The following BANP variants were observed in gnomAD, a reference collection of about 807,000 sequenced individuals.
The protein encoded by BANP is BTG3 associated nuclear protein, also known as protein BANP.
A neutral mutation model predicts 68.1 loss-of-function variants in BANP; 11 were observed. The ratio of observed to expected loss-of-function variants is 0.16; its 90% CI spans 0.10 to 0.27. The LOEUF (loss-of-function observed/expected upper bound fraction) is 0.27. Among genes scored for constraint, BANP ranks in the 10% least tolerant of loss-of-function variants. The probability of loss-of-function intolerance (pLI) is 1.00; values close to 1 mark genes in which losing one functional copy is unlikely to be tolerated. For synonymous variants in BANP, 329 were observed against 303.2 expected (o/e 1.09, Z -0.88); for missense variants, 504 against 722.7 (o/e 0.70, Z 3.47).
In BANP at chr16:88,038,048, C is replaced by T. The variant is rs377374842; in HGVS notation, c.1311+37C>T. The T allele has an allele frequency of 2.9e-5, 45 of 1,578,028 alleles. No homozygotes were observed. The African/African-American group carries it at 4.0e-4, about 14-fold the overall frequency. Reference sequence around the variant, plus strand: ...AGTCCCCATGCACATGCGGGCGTTGCGCTGCCGAGGGATGGGGTTCTCAGG... The same window carrying T: ...AGTCCCCATGCACATGCGGGCGTTGTGCTGCCGAGGGATGGGGTTCTCAGG... On this transcript the variant is annotated intron_variant, in intron 11 of 13. Transcript: ENST00000682872.
chr16:87,997,543 A>G (rs1004800785), intron 4 of BANP, among the ~76,000 whole-genome samples: 1 of 151,914 alleles, frequency 6.6e-6, no homozygotes, highest in Non-Finnish European at 1.5e-5. Context: ...AAGTGGGTGA[A>G]ATAGCCAGGA....
intron 3 of BANP, among the ~76,000 whole-genome samples, 165 bp downstream of exon 3, chr16:87,981,292 C>G (rs188535185): frequency 4.3e-4 from 66 of 152,334 alleles, no homozygotes; most frequent in African/African-American, 1.5e-3. Flanking sequence ...TCCAAAGGTT[C>G]TAGAAGGTGG....
intron 11 of BANP, among the ~76,000 whole-genome samples, chr16:88,059,350 A>G: frequency 6.6e-6 from 1 of 151,502 alleles, no homozygotes; most frequent in East Asian, 2.0e-4. Flanking sequence ...CACTGTTCCA[A>G]TCTCTGCCTC....
intron 4 of BANP, among the ~76,000 whole-genome samples, chr16:87,989,094 C>T (rs2065212167): frequency 6.6e-6 from 1 of 152,180 alleles, no homozygotes; most frequent in Non-Finnish European, 1.5e-5. Context: ...CTTTAAATAA[C>T]TTCGAGAACA....
At chr16:87,953,624 GT>G (rs1257381848) in intron 1 of BANP, among the ~76,000 whole-genome samples, 10 of 152,144 alleles carry the variant, frequency 6.6e-5, no homozygotes, top group African/African-American at 2.4e-4. Context: ...TGCAAATACT[GT>G]TCTCTTCACG....
At chr16:88,030,940 A>C (rs1295302458) in intron 8 of BANP, among the ~76,000 whole-genome samples, 1 of 152,236 alleles carries the variant, frequency 6.6e-6, no homozygotes, top group African/African-American at 2.4e-5. Context: ...TAATGCTTAG[A>C]TGCCTGGAGA....
At chr16:87,951,385 CGGAGGGCGGGGGCCGAGCGTCGCGG>C (rs981575873), upstream of BANP, 2 of 151,222 alleles carry the variant, frequency 1.3e-5, no homozygotes, top group African/African-American at 4.9e-5. Context: ...TGAGCCTGCG[CGGAGGGCGGGGGCCGAGCGTCGCGG>C]GGAGGGGCTC....
intron 6 of BANP, among the ~76,000 whole-genome samples, chr16:88,008,369 T>C (rs114477761): frequency 0.028 from 4,195 of 152,332 alleles, 197 homozygotes; most frequent in African/African-American, 0.096. Context: ...AAAGGAGGGA[T>C]GCTCCTGATT....
chr16:88,071,752 G>A lies in BANP; in HGVS notation c.1378-317G>A. Reference sequence around the variant, plus strand: ...TTTTCCAGGAGGCTCTGTGGCATTTGCTGTTGCTCTCTTTTTCTGTGGAAG... The same window carrying A: ...TTTTCCAGGAGGCTCTGTGGCATTTACTGTTGCTCTCTTTTTCTGTGGAAG... On this transcript the variant is annotated intron_variant, in intron 12 of 13. Transcript: ENST00000682872. This position sits in a 1 kb window ranked among gnomAD's most constrained non-coding sequence, Gnocchi z 6.5. 1 of 589,606 alleles carries A rather than the reference G, an allele frequency of 1.7e-6. No homozygotes were observed. Among genetic ancestry groups the A allele is most frequent in the South Asian group, 1.5e-5 (1 of 65,706 alleles). The allele number at this position is 589,606 out of a possible 1,614,324, so 36.5% of individuals were successfully genotyped here. A position where few individuals can be genotyped will look rare whatever the true frequency, so the allele number is the denominator to read the frequency against.
Position 88,076,678 on chromosome 16 carries a change from C to G in BANP, c.*17C>G. The G allele has an allele frequency of 2.5e-6, 4 of 1,601,684 alleles. No individual in the cohort carries two copies. Among genetic ancestry groups the G allele is most frequent in the Non-Finnish European group, 3.4e-6 (4 of 1,177,636 alleles). On this transcript the variant is annotated 3_prime_UTR_variant, in exon 14 of 14. Coordinates refer to ENST00000682872, the MANE Select transcript of BANP (RefSeq NM_001386991.1). ...ATTCAGTGAGCGGTGCCCATGGCAC[C>G]AGGAGCCCCTCGCCGGCTCCGCCTA...
chr16:87,982,337 TA>T (rs1382389815), intron 3 of BANP, among the ~76,000 whole-genome samples: 16 of 152,190 alleles, frequency 1.1e-4, no homozygotes, highest in African/African-American at 3.9e-4. Flanking sequence ...TTTATTGGTA[TA>T]TAAGAGTGAT....
At chr16:87,968,034 G>A (rs1020203263) in intron 1 of BANP, among the ~76,000 whole-genome samples, 23 of 150,976 alleles carry the variant, frequency 1.5e-4, no homozygotes, top group South Asian at 6.2e-4. Flanking sequence ...GATTACAGGC[G>A]TGAGCCACCA....
At chr16:88,017,276 C>G (rs529763153) in intron 6 of BANP, 1 of 152,242 alleles carries the variant, frequency 6.6e-6, no homozygotes, top group Non-Finnish European at 1.5e-5. Flanking sequence ...CCCGGCCCCT[C>G]GTGGGAGGTA....
rs1366324827 is a variant in BANP at position 88,076,974 on chromosome 16, T to A, written c.*313T>A. 9 of 320,028 alleles carry A rather than the reference T, an allele frequency of 2.8e-5. No homozygotes were observed. Among genetic ancestry groups the A allele is most frequent in the Admixed American group, 9.3e-5 (2 of 21,406 alleles). 19.8% of individuals were successfully genotyped at this position (320,028 alleles called of 1,614,324 possible). On this transcript the variant is annotated 3_prime_UTR_variant, in exon 14 of 14. Transcript: ENST00000682872. ...ATTTTTCTGTTTAAACAGCTTTTTT[T>A]AATTTGCTATGGTGTTTATAACAAA...
intron 11 of BANP, among the ~76,000 whole-genome samples, chr16:88,062,614 G>T (rs79949454): frequency 0.23 from 35,679 of 152,144 alleles, 4,587 homozygotes; most frequent in East Asian, 0.46. Context: ...CTGCCCTTTG[G>T]GAAGTCCGCT....
intron 8 of BANP, among the ~76,000 whole-genome samples, chr16:88,031,828 C>G (rs1383526035): frequency 6.7e-6 from 1 of 150,290 alleles, no homozygotes; most frequent in African/African-American, 2.5e-5. Flanking sequence ...CCGTCCCTTC[C>G]CCCGCTCGCT....
chr16:87,981,125 A>G lies in BANP; in HGVS notation c.160A>G (p.Lys54Glu). 6.2e-7 allele frequency: 1 copy of G among 1,613,348 alleles called. No homozygotes were observed. The change falls in exon 3 of 14, where the codon AAG becomes GAG. Residue 54 changes from lysine to glutamate, a missense_variant and splice_region_variant. By Grantham distance (56) the Lys-to-Glu change is moderately conservative. Transcript: ENST00000682872. ...AATCAATTGCCAGGATCCATCTATA[A>G]AGGTAAAAATCTGACTCTGTTCTGT... Reference protein sequence around the residue: ...LEINCQDPSIKSFLYSINQTI... With the variant: ...LEINCQDPSIESFLYSINQTI...
At chr16:88,061,298 A>C (rs116623714) in intron 11 of BANP, among the ~76,000 whole-genome samples, 1,832 of 152,320 alleles carry the variant, frequency 0.012, 39 homozygotes, top group African/African-American at 0.042. Flanking sequence ...TTAGCTTTGA[A>C]ACTTAGCCTT....
At chr16:88,055,430 C>G (rs1318842114) in intron 11 of BANP, among the ~76,000 whole-genome samples, 1 of 152,204 alleles carries the variant, frequency 6.6e-6, no homozygotes, top group African/African-American at 2.4e-5. Context: ...CAGCTGACGG[C>G]AGGCTTGGTG....
Sources: allele counts gnomAD v4.1 joint callset (sites outside exome capture counted in the v4.1 genomes callset), GRCh38; gene constraint gnomAD v4.1.1; non-coding constraint Gnocchi (gnomAD v3.1); transcripts MANE v1.5; gene names NCBI Gene and HGNC (gene_info 2026-07-23, HGNC 2026-07-21).